Variants in NEURL1B observed in about 807,000 individuals in gnomAD.
NEURL1B encodes E3 ubiquitin-protein ligase NEURL1B.
A neutral mutation model predicts 37.4 loss-of-function variants in NEURL1B; 13 were observed. That is an observed-to-expected ratio of 0.35 (90% CI 0.23 to 0.55). The LOEUF is 0.55. Ranked by LOEUF, NEURL1B falls within the 20% of genes least tolerant of loss-of-function variation. The pLI, the probability that NEURL1B is intolerant of heterozygous loss-of-function variation, is 0.89. For synonymous variants in NEURL1B, 432 were observed against 426.6 expected (o/e 1.01, Z -0.16); for missense variants, 790 against 879.2 (o/e 0.90, Z 1.28).
intron 1 of NEURL1B, among the ~76,000 whole-genome samples, chr5:172,644,958 C>T (rs1757533380): frequency 6.6e-6 from 1 of 152,164 alleles, no homozygotes; most frequent in Non-Finnish European, 1.5e-5. Flanking sequence ...TTGGGCTCAC[C>T]TGCAGCTCTG....
Position 172,669,767 on chromosome 5 carries a change from G to T in NEURL1B, c.32-18G>T. The T allele has an allele frequency of 8.0e-7, 1 of 1,252,076 alleles. No individual in the cohort carries two copies. Among genetic ancestry groups the T allele is most frequent in the Non-Finnish European group, 1.0e-6 (1 of 989,220 alleles). The allele number at this position is 1,252,076 out of a possible 1,614,324, so 77.6% of individuals were successfully genotyped here. On this transcript the variant is annotated intron_variant, in intron 1 of 4. Coordinates refer to ENST00000369800, the MANE Select transcript of NEURL1B (RefSeq NM_001142651.3). ...AGTTCGGAGGAGGCCTAACCGTGCTGCCTGTGTCTTTCCGCAGACCCGAGC... is the reference window on the plus strand; with the variant it reads ...AGTTCGGAGGAGGCCTAACCGTGCTTCCTGTGTCTTTCCGCAGACCCGAGC...
At position 172,665,277 on chromosome 5, in the gene NEURL1B, C is replaced by T. The variant is rs1052939367; in HGVS notation, c.32-4508C>T. Among the ~76,000 whole-genome samples, 7 of 152,226 alleles carry T rather than the reference C, an allele frequency of 4.6e-5. No individual in the cohort carries two copies. Among genetic ancestry groups the T allele is most frequent in the Admixed American group, 6.5e-5 (1 of 15,294 alleles). ...GGAAGCTGCACCAGGAGCTGAGTGT[C>T]GTGCACAAGGCCACCGTGAGCGTGG... On this transcript the variant is annotated intron_variant, in intron 1 of 4. Transcript: ENST00000369800. The surrounding 1 kb of genome is among the most constrained non-coding windows in gnomAD (Gnocchi z 4.1).
rs558938374 is a variant in NEURL1B, at chr5:172,674,595, T to G, written c.577+4265T>G. 2.6e-5 allele frequency among the ~76,000 whole-genome samples: 4 copies of G among 152,142 alleles called. No homozygotes were observed. The South Asian group carries it at 8.3e-4, about 32-fold the overall frequency. On this transcript the variant is annotated intron_variant, in intron 2 of 4. Transcript: ENST00000369800. ...CACCCAGACCAATTAAATCAGAACC[T>G]CTGGGGGTGGCACCCAGGTGTTAGG...
In NEURL1B at chr5:172,647,703, C is replaced by T. The variant is rs139826801; in HGVS notation, c.31+6266C>T. On this transcript the variant is annotated intron_variant, in intron 1 of 4. Transcript: ENST00000369800. This position sits in a 1 kb window ranked among gnomAD's most constrained non-coding sequence, Gnocchi z 4.2. ...CAAAATGAAGCTGTGCCTAGAGAAG[C>T]CCCCTGCCCCCGCCCACCTCACCCC... 5.1e-3 allele frequency among the ~76,000 whole-genome samples: 783 copies of T among 152,228 alleles called. 5 individuals carry two copies. The highest frequency in any genetic ancestry group is 0.018 in the African/African-American group (744 of 41,516).
Position 172,684,119 on chromosome 5 carries a change from G to C in NEURL1B, c.1278G>C (p.Ala426=), listed in dbSNP as rs534015266. The C allele has an allele frequency of 3.2e-5, 40 of 1,255,224 alleles. No homozygotes were observed. Among genetic ancestry groups the C allele is most frequent in the Non-Finnish European group, 3.8e-5 (38 of 999,714 alleles). 77.8% of individuals were successfully genotyped at this position (1,255,224 alleles called of 1,614,324 possible). A position where few individuals can be genotyped will look rare whatever the true frequency, so the allele number is the denominator to read the frequency against. The change falls in exon 3 of 5, where the codon GCG becomes GCC. Residue 426 remains alanine (A), a synonymous_variant. Coordinates refer to ENST00000369800, the MANE Select transcript of NEURL1B (RefSeq NM_001142651.3). ...WAFFAVRGGV[A]GQLRLLGTLQ... ...TCTTCGCCGTGCGCGGCGGCGTCGC[G>C]GGCCAGCTGCGTCTCCTCGGTGAGT...
At chr5:172,654,535 G>T (rs1757727668) in intron 1 of NEURL1B, among the ~76,000 whole-genome samples, 1 of 151,264 alleles carries the variant, frequency 6.6e-6, no homozygotes, top group African/African-American at 2.4e-5. Flanking sequence ...TCATCTAACA[G>T]AATAGCCCCA....
At chr5:172,685,241 G>GT (rs1376290780) in intron 3 of NEURL1B, among the ~76,000 whole-genome samples, 1 of 152,230 alleles carries the variant, frequency 6.6e-6, no homozygotes, top group East Asian at 1.9e-4. Context: ...AGTGGTAACA[G>GT]TAACAACAGC....
rs76951309 is a variant in NEURL1B, at chr5:172,650,419, G to A, written c.31+8982G>A. Among the ~76,000 whole-genome samples the A allele has an allele frequency of 2.9e-3, 448 of 152,272 alleles. 7 individuals carry two copies. The East Asian group carries it at 0.047, about 16-fold the overall frequency. ...TCAGAATCCCTGTCCCAGCTCCCACGTGGCAGATGGGGATACTGAGGACCA... is the reference window on the plus strand; with the variant it reads ...TCAGAATCCCTGTCCCAGCTCCCACATGGCAGATGGGGATACTGAGGACCA... On this transcript the variant is annotated intron_variant, in intron 1 of 4. Transcript: ENST00000369800.
In NEURL1B at chr5:172,686,378, C is replaced by T; in HGVS notation, c.1423+82C>T. 1 of 1,443,454 alleles carries T rather than the reference C, an allele frequency of 6.9e-7. No homozygotes were observed. The highest frequency in any genetic ancestry group is 9.4e-7 in the Non-Finnish European group (1 of 1,060,056). The allele number at this position is 1,443,454 out of a possible 1,614,324, so 89.4% of individuals were successfully genotyped here. ...GGCTGTGCCAGTGGCCTTCCAGGGACTGAGCAGGGTGGCCGCCTTTCCCCC... is the reference window on the plus strand; with the variant it reads ...GGCTGTGCCAGTGGCCTTCCAGGGATTGAGCAGGGTGGCCGCCTTTCCCCC... On this transcript the variant is annotated intron_variant, in intron 4 of 4. Coordinates refer to ENST00000369800, the MANE Select transcript of NEURL1B (RefSeq NM_001142651.3). The surrounding 1 kb of genome is among the most constrained non-coding windows in gnomAD (Gnocchi z 7.9).
At chr5:172,684,524 G>T (rs781663353) in intron 3 of NEURL1B, among the ~76,000 whole-genome samples, 28 of 152,162 alleles carry the variant, frequency 1.8e-4, no homozygotes, top group South Asian at 8.3e-4. Context: ...CCGTTGTTAC[G>T]ATTTGTTACA....
intron 1 of NEURL1B, among the ~76,000 whole-genome samples, chr5:172,651,819 C>T (rs1421875712): frequency 6.6e-6 from 1 of 152,208 alleles, no homozygotes; most frequent in Non-Finnish European, 1.5e-5. Flanking sequence ...TGGTATTCCC[C>T]ATGGGACTCC....
rs1758214408 is a variant in NEURL1B, at chr5:172,675,366, A to G, written c.577+5036A>G. Among the ~76,000 whole-genome samples, 1 of 151,936 alleles carries G rather than the reference A, an allele frequency of 6.6e-6. No homozygotes were observed. Among genetic ancestry groups the G allele is most frequent in the African/African-American group, 2.4e-5 (1 of 41,340 alleles). On this transcript the variant is annotated intron_variant, in intron 2 of 4. Transcript: ENST00000369800. This position sits in a 1 kb window ranked among gnomAD's most constrained non-coding sequence, Gnocchi z 4.7. ...TTGATGGACACCTGGATTACGACCA[A>G]TCCCCCAAGCCACACACACAGACAG...
chr5:172,659,032 CCG>C (rs1257071121), intron 1 of NEURL1B, among the ~76,000 whole-genome samples: 7 of 17,004 alleles, frequency 4.1e-4, no homozygotes, highest in East Asian at 3.3e-3. Context: ...CCACCCCTGC[CCG>C]CCCCCCCCCC....
chr5:172,655,213 T>C (rs1757746611), intron 1 of NEURL1B, among the ~76,000 whole-genome samples: 1 of 151,778 alleles, frequency 6.6e-6, no homozygotes, highest in Non-Finnish European at 1.5e-5. Context: ...AAACCAGGGA[T>C]GTCTCGCCTT....
At chr5:172,669,103 C>T (rs1758070649) in intron 1 of NEURL1B, among the ~76,000 whole-genome samples, 1 of 152,134 alleles carries the variant, frequency 6.6e-6, no homozygotes, top group African/African-American at 2.4e-5. Flanking sequence ...TACATACACA[C>T]GCTGTGCCAG....
intron 1 of NEURL1B, among the ~76,000 whole-genome samples, chr5:172,662,685 T>G (rs767773968): frequency 6.6e-6 from 1 of 152,134 alleles, no homozygotes; most frequent in Non-Finnish European, 1.5e-5. Context: ...CCAGAGCCCA[T>G]GAAGTAAATC....
chr5:172,656,600 CTTCTGCTCCTCTTTTTGT>C, intron 1 of NEURL1B: 1 of 1,610,906 alleles, frequency 6.2e-7, no homozygotes, highest in Non-Finnish European at 8.5e-7. Flanking sequence ...CCTCGAGTTT[CTTCTGCTCCTCTTTTTGT>C]TTCTGCTTGA....
chr5:172,682,108 CA>C (rs1758364394), intron 2 of NEURL1B, among the ~76,000 whole-genome samples: 1 of 152,196 alleles, frequency 6.6e-6, no homozygotes, highest in Non-Finnish European at 1.5e-5. Context: ...TCAAGAGACT[CA>C]TATTCCAGCT....
At chr5:172,682,498 C>T (rs324331) in intron 2 of NEURL1B, among the ~76,000 whole-genome samples, 2 of 152,176 alleles carry the variant, frequency 1.3e-5, no homozygotes, top group African/African-American at 4.8e-5. Context: ...ATCACTTGAA[C>T]CCAGGAGGCA....
Sources: gnomAD v4.1 joint callset for allele counts (sites outside exome capture counted in the v4.1 genomes callset) on GRCh38, gnomAD v4.1.1 for gene constraint, Gnocchi (gnomAD v3.1) non-coding constraint, MANE v1.5 for transcripts, NCBI Gene and HGNC (gene_info 2026-07-23, HGNC 2026-07-21) for gene names.